Variants in ANKRD44 observed in about 807,000 individuals in gnomAD.
ANKRD44 encodes the protein serine/threonine-protein phosphatase 6 regulatory ankyrin repeat subunit B.
A neutral mutation model predicts 116.0 loss-of-function variants in ANKRD44; 35 were observed. That is an observed-to-expected ratio of 0.30 (90% CI 0.23 to 0.40). ANKRD44 has a LOEUF of 0.40. Among genes scored for constraint, ANKRD44 ranks in the 10% least tolerant of loss-of-function variants. The probability of loss-of-function intolerance (pLI) is 1.00; values close to 1 mark genes in which losing one functional copy is unlikely to be tolerated. For synonymous variants in ANKRD44, 435 were observed against 461.8 expected, an observed-to-expected ratio of 0.94 and a Z score of 0.74; for missense variants, 1,014 against 1,242.6, an observed-to-expected ratio of 0.82 and a Z score of 2.77.
At chr2:197,048,273 T>C (rs1243577182) in intron 16 of ANKRD44, among the ~76,000 whole-genome samples, 1 of 152,152 alleles carries the variant, frequency 6.6e-6, no homozygotes, top group Non-Finnish European at 1.5e-5. Flanking sequence ...ATATGCCATG[T>C]TGGTTTGCTG....
chr2:197,034,383 C>T (rs1321018832), intron 16 of ANKRD44, among the ~76,000 whole-genome samples: 1 of 151,460 alleles, frequency 6.6e-6, no homozygotes, highest in East Asian at 1.9e-4. Flanking sequence ...AATACATCTT[C>T]ATGGTTACCG....
chr2:196,989,530 A>ATG lies in ANKRD44; in HGVS notation c.*60_*61insCA. On this transcript the variant is annotated 3_prime_UTR_variant, in exon 28 of 28. Coordinates refer to ENST00000282272, the MANE Select transcript of ANKRD44 (RefSeq NM_001195144.2). ...GAACTACACACACACACACATATAT[A>ATG]TATATATACACACGCACACATATAT... is the stretch of plus-strand genomic sequence containing the variant. The ATG allele has an allele frequency of 6.5e-7, 1 of 1,533,320 alleles. No homozygotes were observed. The highest frequency in any genetic ancestry group is 8.8e-7 in the Non-Finnish European group (1 of 1,138,706). The allele number at this position is 1,533,320 out of a possible 1,614,324, so 95.0% of individuals were successfully genotyped here.
intron 1 of ANKRD44, among the ~76,000 whole-genome samples, chr2:197,214,715 A>G (rs1027038684): frequency 6.6e-6 from 1 of 152,184 alleles, no homozygotes; most frequent in African/African-American, 2.4e-5. Context: ...TTTTAAATGG[A>G]ATTTTAAAAG....
intron 10 of ANKRD44, among the ~76,000 whole-genome samples, chr2:197,094,481 A>G (rs6712325): frequency 0.62 from 94,393 of 152,182 alleles, 32,053 homozygotes; most frequent in East Asian, 0.85. Context: ...AATCAGCAGT[A>G]CATGAGTTTT....
At chr2:197,060,847 G>A (rs1053595248) in intron 16 of ANKRD44, among the ~76,000 whole-genome samples, 2 of 152,100 alleles carry the variant, frequency 1.3e-5, no homozygotes, top group Non-Finnish European at 2.9e-5. Flanking sequence ...TGTTATAAAT[G>A]GCAGGATTCC....
intron 16 of ANKRD44, among the ~76,000 whole-genome samples, chr2:197,075,986 C>A (rs1212864816): frequency 6.6e-6 from 1 of 152,140 alleles, no homozygotes; most frequent in Non-Finnish European, 1.5e-5. Context: ...CAGATGGCCC[C>A]CCATCTTCTT....
intron 16 of ANKRD44, among the ~76,000 whole-genome samples, chr2:197,073,017 T>C (rs2077593452): frequency 6.6e-6 from 1 of 152,180 alleles, no homozygotes; most frequent in Non-Finnish European, 1.5e-5. Flanking sequence ...GTTAAACTTA[T>C]TAAAACTCCT....
intron 3 of ANKRD44, among the ~76,000 whole-genome samples, chr2:197,139,646 T>G (rs7567882): frequency 3.5e-4 from 40 of 114,498 alleles, no homozygotes; most frequent in Non-Finnish European, 6.2e-4. Flanking sequence ...GATATAGATA[T>G]AGATATATAT....
intron 1 of ANKRD44, among the ~76,000 whole-genome samples, chr2:197,187,982 ATGGCCATGT>A (rs1448646256): frequency 6.6e-6 from 1 of 152,072 alleles, no homozygotes; most frequent in East Asian, 1.9e-4. Flanking sequence ...GAGGATGCTA[ATGGCCATGT>A]TTCTGGCCAC....
At chr2:197,088,227 G>C (rs1321056533) in intron 12 of ANKRD44, among the ~76,000 whole-genome samples, 1 of 152,186 alleles carries the variant, frequency 6.6e-6, no homozygotes, top group Non-Finnish European at 1.5e-5. Context: ...CTTCTTGCCT[G>C]TCTTTTGGGT....
downstream of ANKRD44, among the ~76,000 whole-genome samples, chr2:196,984,324 T>C (rs576051652): frequency 1.2e-4 from 18 of 152,220 alleles, no homozygotes; most frequent in Admixed American, 7.8e-4. Context: ...CAACTACAAA[T>C]GCCCACACAT....
chr2:197,244,464 CA>C (rs1285310145), intron 1 of ANKRD44, among the ~76,000 whole-genome samples: 1 of 152,164 alleles, frequency 6.6e-6, no homozygotes, highest in Admixed American at 6.5e-5. Flanking sequence ...AATGATCACC[CA>C]AACATCCATT....
At chr2:197,071,254 T>C (rs540694592) in intron 16 of ANKRD44, among the ~76,000 whole-genome samples, 12 of 152,328 alleles carry the variant, frequency 7.9e-5, no homozygotes, top group Admixed American at 6.5e-4. Context: ...TGAGTTTAAT[T>C]TGCTCTCTCC....
intron 2 of ANKRD44, among the ~76,000 whole-genome samples, chr2:197,173,548 G>T (rs2080291388): frequency 6.6e-6 from 1 of 152,084 alleles, no homozygotes; most frequent in African/African-American, 2.4e-5. Context: ...TGACACATTT[G>T]TTCTCTAGTT....
At chr2:197,108,709 A>T (rs2078492635) in intron 9 of ANKRD44, among the ~76,000 whole-genome samples, 1 of 152,110 alleles carries the variant, frequency 6.6e-6, no homozygotes, top group African/African-American at 2.4e-5. Context: ...GCATGGTGGC[A>T]CACCTGTAGT....
intron 2 of ANKRD44, among the ~76,000 whole-genome samples, chr2:197,160,491 T>C (rs2079933128): frequency 6.6e-6 from 1 of 152,164 alleles, no homozygotes; most frequent in African/African-American, 2.4e-5. Context: ...CTCCCCTCCA[T>C]GAAGTAGTCA....
chr2:196,982,108 T>TTTATATATATATATATATATATATATA (rs150861089), downstream of ANKRD44, among the ~76,000 whole-genome samples: 1 of 96,550 alleles, frequency 1.0e-5, no homozygotes, highest in African/African-American at 3.7e-5. Context: ...CTAAAAAAAA[T>TTTATATATATATATATATATATATATA]TATATATATA....
In ANKRD44 at chr2:196,987,522, T is replaced by C. The variant is rs1277256342; in HGVS notation, c.*2069A>G. The C allele has an allele frequency of 1.0e-6, 1 of 985,248 alleles. No homozygotes were observed. The highest frequency in any genetic ancestry group is 1.7e-5 in the African/African-American group (1 of 57,232). 61.0% of individuals were successfully genotyped at this position (985,248 alleles called of 1,614,324 possible). ...GTTGCTCAACAGTACAAAGAATAAC[T>C]AGTGCAGCAAATCCATTTGATGTTC... On this transcript the variant is annotated 3_prime_UTR_variant, in exon 28 of 28. Coordinates refer to ENST00000282272, the MANE Select transcript of ANKRD44 (RefSeq NM_001195144.2).
At chr2:197,080,110 C>A (rs951619643) in intron 15 of ANKRD44, among the ~76,000 whole-genome samples, 7 of 152,164 alleles carry the variant, frequency 4.6e-5, no homozygotes, top group African/African-American at 9.7e-5. Flanking sequence ...TAAATGAAAT[C>A]ACTCAATAGG....
Sources: allele counts gnomAD v4.1 joint callset (sites outside exome capture counted in the v4.1 genomes callset), GRCh38; gene constraint gnomAD v4.1.1; transcripts MANE v1.5; gene names NCBI Gene and HGNC (gene_info 2026-07-23, HGNC 2026-07-21).